Variants in STIM2 observed in about 807,000 individuals in gnomAD.
STIM2 encodes the protein stromal interaction molecule 2.
In STIM2, 31 loss-of-function variants were observed where a neutral mutation model predicts 85.8. That is an observed-to-expected ratio of 0.36 (90% CI 0.27 to 0.49). The LOEUF is 0.49. Ranked by LOEUF, STIM2 falls within the 20% of genes least tolerant of loss-of-function variation. The probability of loss-of-function intolerance (pLI) is 0.98; values close to 1 mark genes in which losing one functional copy is unlikely to be tolerated. For missense variants in STIM2, 841 were observed against 927.6 expected (o/e 0.91, Z 1.21); for synonymous variants, 356 against 331.1 (o/e 1.08, Z -0.82).
chr4:27,005,878 GT>G (rs1408401394), intron 7 of STIM2, among the ~76,000 whole-genome samples: 7 of 152,210 alleles, frequency 4.6e-5, no homozygotes, highest in African/African-American at 1.7e-4. Flanking sequence ...ATTAAAGAGA[GT>G]AACTTGAATG....
At chr4:26,906,583 A>C (rs188209993) in intron 1 of STIM2, among the ~76,000 whole-genome samples, 2 of 152,158 alleles carry the variant, frequency 1.3e-5, no homozygotes, top group Admixed American at 6.5e-5. Context: ...AAAAATATAA[A>C]ATGTTAGTAA....
At chr4:26,946,657 C>T (rs75167437) in intron 2 of STIM2, among the ~76,000 whole-genome samples, 2,571 of 152,336 alleles carry the variant, frequency 0.017, 79 homozygotes, top group African/African-American at 0.059. Flanking sequence ...GATGGCATAT[C>T]CCTTTCCTTT....
At chr4:26,937,030 T>C (rs10470822) in intron 2 of STIM2, among the ~76,000 whole-genome samples, 97,677 of 151,860 alleles carry the variant, frequency 0.64, 32,435 homozygotes, top group East Asian at 0.83. Flanking sequence ...TCAAGCGATT[T>C]ACCTGCCTCA....
chr4:26,892,442 C>T (rs536046074), intron 1 of STIM2, among the ~76,000 whole-genome samples: 18 of 152,208 alleles, frequency 1.2e-4, no homozygotes, highest in African/African-American at 3.1e-4. Context: ...TTCAAGACGG[C>T]GCCACCCTCA....
intron 1 of STIM2, among the ~76,000 whole-genome samples, chr4:26,908,974 G>A (rs1181918580): frequency 1.3e-5 from 2 of 152,210 alleles, no homozygotes; most frequent in African/African-American, 4.8e-5. Flanking sequence ...AGCACTTTGG[G>A]AAATTGAGGC....
chr4:26,906,440 GTT>G (rs1211425958), intron 1 of STIM2, among the ~76,000 whole-genome samples: 3 of 116,100 alleles, frequency 2.6e-5, no homozygotes, highest in East Asian at 2.8e-4. Flanking sequence ...AAGTTTGTTT[GTT>G]TTTTTTTTTT....
intron 3 of STIM2, among the ~76,000 whole-genome samples, chr4:26,986,402 T>C (rs907020391): frequency 2.6e-5 from 4 of 152,234 alleles, no homozygotes; most frequent in Admixed American, 2.0e-4. Context: ...TTATATTAAA[T>C]ATAACAAATG....
chr4:26,933,576 C>T (rs780261666), intron 2 of STIM2, among the ~76,000 whole-genome samples: 3 of 151,964 alleles, frequency 2.0e-5, no homozygotes, highest in Non-Finnish European at 4.4e-5. Flanking sequence ...TTATCATCCT[C>T]ATATTTTTCC....
At chr4:27,018,275 G>A (rs1560242554) in intron 11 of STIM2, among the ~76,000 whole-genome samples, 1 of 152,152 alleles carries the variant, frequency 6.6e-6, no homozygotes, top group Non-Finnish European at 1.5e-5. Flanking sequence ...TCATGTGGTT[G>A]TGGCGAACTT....
chr4:26,984,452 C>T (rs988883772), intron 3 of STIM2, among the ~76,000 whole-genome samples: 9 of 152,250 alleles, frequency 5.9e-5, no homozygotes, highest in East Asian at 1.9e-4. Context: ...CCTCCGTGTC[C>T]CAGGCTCAAG....
chr4:27,004,564 A>C (rs758371646), intron 7 of STIM2, among the ~76,000 whole-genome samples: 12 of 152,156 alleles, frequency 7.9e-5, no homozygotes, highest in Non-Finnish European at 1.8e-4. Context: ...CAGAGATATA[A>C]ACTGATGGTA....
intron 1 of STIM2, among the ~76,000 whole-genome samples, chr4:26,905,514 A>G (rs567620209): frequency 1.2e-3 from 186 of 152,270 alleles, no homozygotes; most frequent in Non-Finnish European, 2.1e-3. Flanking sequence ...AGTTGGATGG[A>G]TGTGTGTGGG....
rs1489970396 is a variant in STIM2, at chr4:26,942,369, GC to G, written c.283-15242del. 1.1e-4 allele frequency among the ~76,000 whole-genome samples: 17 copies of G among 152,098 alleles called. No homozygotes were observed. In the East Asian group the frequency reaches 2.7e-3, roughly 24 times the overall value. On this transcript the variant is annotated intron_variant, in intron 2 of 11. Coordinates refer to ENST00000467087, the MANE Select transcript of STIM2 (RefSeq NM_020860.4). Reference sequence around the variant, plus strand: ...TAATTTGCTCATGTGTTCAAACCTGGCATTATTTTTCTTACCTTTACACACA... The same window carrying G: ...TAATTTGCTCATGTGTTCAAACCTGGATTATTTTTCTTACCTTTACACACA...
chr4:27,001,984 G>C (rs78474797), intron 5 of STIM2, among the ~76,000 whole-genome samples: 1 of 152,108 alleles, frequency 6.6e-6, no homozygotes, highest in Non-Finnish European at 1.5e-5. Context: ...CAGCAGGGGC[G>C]TGGTGTGTCT....
At chr4:26,976,382 CTTTTTTTTTT>C (rs35434321) in intron 3 of STIM2, among the ~76,000 whole-genome samples, 1 of 116,948 alleles carries the variant, frequency 8.6e-6, no homozygotes, top group Non-Finnish European at 1.7e-5. Flanking sequence ...TCTTGGGAGT[CTTTTTTTTTT>C]TTTTTTTTTT....
intron 10 of STIM2, among the ~76,000 whole-genome samples, chr4:27,016,207 A>G (rs1367429264): frequency 6.6e-6 from 1 of 151,934 alleles, no homozygotes; most frequent in African/African-American, 2.4e-5. Flanking sequence ...TTTTCAATTT[A>G]TTGTTATATA....
intron 3 of STIM2, among the ~76,000 whole-genome samples, chr4:26,982,139 C>T (rs534930672): frequency 6.6e-6 from 1 of 152,022 alleles, no homozygotes; most frequent in African/African-American, 2.4e-5. Flanking sequence ...TACTAGTTGG[C>T]GTTCTACTAT....
chr4:26,962,980 A>G (rs1055501097), intron 3 of STIM2, among the ~76,000 whole-genome samples: 4 of 152,162 alleles, frequency 2.6e-5, no homozygotes, highest in Admixed American at 6.6e-5. Flanking sequence ...TTTGGGCTTT[A>G]CAAATTGAAT....
At chr4:27,018,050 G>C in intron 11 of STIM2, 66 bp downstream of exon 11, 1 of 1,549,088 alleles carries the variant, frequency 6.5e-7, no homozygotes, top group Non-Finnish European at 8.8e-7. Context: ...TGAGGAGGGG[G>C]CGGGAGGAGT....
Sources: allele counts gnomAD v4.1 joint callset (sites outside exome capture counted in the v4.1 genomes callset), GRCh38; gene constraint gnomAD v4.1.1; transcripts MANE v1.5; gene names NCBI Gene and HGNC (gene_info 2026-07-23, HGNC 2026-07-21).